The following EPHA6 variants were observed in gnomAD, a reference collection of about 807,000 sequenced individuals.
EPHA6 encodes EPH receptor A6.
In EPHA6, 50 loss-of-function variants were observed where a neutral mutation model predicts 112.0. That is an observed-to-expected ratio of 0.45 (90% confidence interval 0.36 to 0.56). The LOEUF (loss-of-function observed/expected upper bound fraction) is 0.56, where lower values mean the gene tolerates loss of function less well. EPHA6 is among the 20% of genes least tolerant of loss of function. The probability of loss-of-function intolerance (pLI) is 0.00; values close to 1 mark genes in which losing one functional copy is unlikely to be tolerated. For synonymous variants in EPHA6, 529 were observed against 490.7 expected (o/e 1.08, Z -1.03); for missense variants, 1,280 against 1,417.4 (o/e 0.90, Z 1.56).
chr3:97,003,205 T>C (rs1004742332), intron 3 of EPHA6, among the ~76,000 whole-genome samples: 2 of 152,190 alleles, frequency 1.3e-5, no homozygotes, highest in Non-Finnish European at 2.9e-5. Context: ...CCTCCTGGGT[T>C]CAAGAGATTC....
chr3:97,333,529 G>A (rs1467151865), intron 5 of EPHA6, among the ~76,000 whole-genome samples: 7 of 143,780 alleles, frequency 4.9e-5, no homozygotes, highest in East Asian at 2.0e-4. Context: ...GCTGGAGTGC[G>A]GTGGTGCAAT....
chr3:97,214,853 A>G (rs1203649589), intron 3 of EPHA6, among the ~76,000 whole-genome samples: 1 of 152,162 alleles, frequency 6.6e-6, no homozygotes, highest in Non-Finnish European at 1.5e-5. Flanking sequence ...CAGTTTTCTT[A>G]TGTTTAAATT....
chr3:97,183,286 A>G (rs1195114166), intron 3 of EPHA6, among the ~76,000 whole-genome samples: 6 of 152,150 alleles, frequency 3.9e-5, no homozygotes, highest in Non-Finnish European at 8.8e-5. Context: ...AGTAAAAATT[A>G]AGTACAATTC....
chr3:97,494,231 C>T (rs948696087), intron 10 of EPHA6, among the ~76,000 whole-genome samples: 8 of 152,188 alleles, frequency 5.3e-5, no homozygotes, highest in Non-Finnish European at 7.4e-5. Flanking sequence ...TAATTTTATC[C>T]GGAAATAATA....
chr3:97,086,696 A>T (rs1326348564), intron 3 of EPHA6, among the ~76,000 whole-genome samples: 1 of 152,080 alleles, frequency 6.6e-6, no homozygotes. Context: ...TGCACACCCT[A>T]AATGTTAAAA....
intron 3 of EPHA6, among the ~76,000 whole-genome samples, chr3:97,088,050 G>A (rs1214003962): frequency 6.6e-6 from 1 of 151,894 alleles, no homozygotes; most frequent in Admixed American, 6.6e-5. Flanking sequence ...GGGTGGTGGC[G>A]TGCACCTATA....
At chr3:97,332,790 C>T (rs2082863445) in intron 5 of EPHA6, among the ~76,000 whole-genome samples, 2 of 151,558 alleles carry the variant, frequency 1.3e-5, no homozygotes, top group African/African-American at 2.4e-5. Flanking sequence ...GGATCTATTT[C>T]TGGATTCTCT....
At position 97,720,368 on chromosome 3, in the gene EPHA6, G is replaced by A. The variant is rs1291953779; in HGVS notation, c.2892G>A (p.Met964Ile). 2 of 1,606,814 alleles carry A rather than the reference G, an allele frequency of 1.2e-6. No homozygotes were observed. The change falls in exon 15 of 18, where the codon ATG becomes ATA. Residue 964 changes from methionine (M) to isoleucine (I), a missense_variant. Transcript: ENST00000389672. ...WSYGIVMWEV[M>I]SYGERPYWEM... ...ATGGCATTGTCATGTGGGAGGTCAT[G>A]TCCTATGGAGAGAGACCTTATTGGG...
At chr3:96,838,605 C>A (rs2034557768) in intron 1 of EPHA6, among the ~76,000 whole-genome samples, 1 of 151,896 alleles carries the variant, frequency 6.6e-6, no homozygotes, top group Admixed American at 6.6e-5. Context: ...TTATAATTTT[C>A]TATAATTCAA....
At chr3:97,568,898 TGGAAACTATTAATA>T (rs2093301471) in intron 11 of EPHA6, among the ~76,000 whole-genome samples, 1 of 152,120 alleles carries the variant, frequency 6.6e-6, no homozygotes, top group African/African-American at 2.4e-5. Flanking sequence ...TGTCATCGGA[TGGAAACTATTAATA>T]GGAAACATCA....
chr3:97,086,039 ACT>A (rs1373537503), intron 3 of EPHA6, among the ~76,000 whole-genome samples: 4 of 148,428 alleles, frequency 2.7e-5, no homozygotes, highest in African/African-American at 1.0e-4. Context: ...GGTTCAAGCG[ACT>A]CTCTTGCCTC....
chr3:97,689,790 G>A (rs2032530906), intron 14 of EPHA6, among the ~76,000 whole-genome samples: 3 of 152,020 alleles, frequency 2.0e-5, no homozygotes, highest in Admixed American at 2.0e-4. Flanking sequence ...CCCATTAGCA[G>A]TCATTCCCCA....
chr3:97,133,160 C>T lies in EPHA6; in HGVS notation c.1115-93104C>T, dbSNP rs553170929. Among the ~76,000 whole-genome samples the T allele has an allele frequency of 1.8e-4, 27 of 152,022 alleles. No homozygotes were observed. In the South Asian group the frequency reaches 5.2e-3, roughly 29 times the overall value. Reference sequence around the variant, plus strand: ...GACGTAGATCATAGGCACATGACATCCTATGAGAGTGAGCAGCCAGAGTCA... The same window carrying T: ...GACGTAGATCATAGGCACATGACATTCTATGAGAGTGAGCAGCCAGAGTCA... On this transcript the variant is annotated intron_variant, in intron 3 of 17. Transcript: ENST00000389672.
At chr3:97,520,888 AT>A (rs1215554312) in intron 10 of EPHA6, among the ~76,000 whole-genome samples, 2 of 152,142 alleles carry the variant, frequency 1.3e-5, no homozygotes, top group African/African-American at 4.8e-5. Context: ...AGCCTTTATT[AT>A]TTTTTATTGT....
chr3:97,550,062 A>T (rs1187313082), intron 11 of EPHA6, among the ~76,000 whole-genome samples: 3 of 152,176 alleles, frequency 2.0e-5, no homozygotes, highest in Non-Finnish European at 4.4e-5. Context: ...GTATGGATGA[A>T]ACCTCCCTAT....
At chr3:96,926,978 C>T (rs2040069597) in intron 2 of EPHA6, among the ~76,000 whole-genome samples, 1 of 152,232 alleles carries the variant, frequency 6.6e-6, no homozygotes, top group Admixed American at 6.5e-5. Context: ...TACTGTACTA[C>T]CCTAGCAAAG....
At chr3:97,337,663 G>C (rs898051846) in intron 5 of EPHA6, among the ~76,000 whole-genome samples, 1 of 152,036 alleles carries the variant, frequency 6.6e-6, no homozygotes, top group Non-Finnish European at 1.5e-5. Flanking sequence ...GAAACTTTAG[G>C]GATGCCATAT....
chr3:97,101,477 G>A (rs1015987568), intron 3 of EPHA6, among the ~76,000 whole-genome samples: 1 of 151,922 alleles, frequency 6.6e-6, no homozygotes, highest in African/African-American at 2.4e-5. Context: ...ATTTGACTGG[G>A]TGTCATGTTG....
chr3:97,292,326 T>C (rs930608143), intron 5 of EPHA6, among the ~76,000 whole-genome samples: 5 of 152,166 alleles, frequency 3.3e-5, no homozygotes, highest in African/African-American at 7.2e-5. Context: ...ATGTGGTAAA[T>C]GGGGGAGAAA....
Sources: allele counts gnomAD v4.1 joint callset (sites outside exome capture counted in the v4.1 genomes callset), GRCh38; gene constraint gnomAD v4.1.1; transcripts MANE v1.5; gene names NCBI Gene and HGNC (gene_info 2026-07-23, HGNC 2026-07-21).